KATNBL1: variants seen among roughly 807,000 people sequenced by gnomAD.
KATNBL1 encodes KATNB1-like protein 1.
In KATNBL1, 28 loss-of-function variants were observed where a neutral mutation model predicts 44.7. That is an observed-to-expected ratio of 0.63 (90% CI 0.46 to 0.86). The LOEUF (loss-of-function observed/expected upper bound fraction) is 0.86, where lower values mean the gene tolerates loss of function less well. Among genes scored for constraint, KATNBL1 ranks in the 40% least tolerant of loss-of-function variants. The pLI is 0.00. For missense variants in KATNBL1, 272 were observed against 350.7 expected (o/e 0.78, Z 1.79); for synonymous variants, 78 against 114.9 (o/e 0.68, Z 2.06).
intron 1 of KATNBL1, among the ~76,000 whole-genome samples, chr15:34,203,097 G>A (rs1246618095): frequency 6.6e-6 from 1 of 152,200 alleles, no homozygotes; most frequent in African/African-American, 2.4e-5. Context: ...ATATCCAATA[G>A]TCATCTATTC....
chr15:34,170,139 A>T (rs1264541362), intron 1 of KATNBL1, among the ~76,000 whole-genome samples: 1 of 152,206 alleles, frequency 6.6e-6, no homozygotes, highest in Non-Finnish European at 1.5e-5. Context: ...GGAAAAGAGG[A>T]AGTCAAATTG....
intron 1 of KATNBL1, among the ~76,000 whole-genome samples, chr15:34,176,765 A>G (rs1889345069): frequency 6.6e-6 from 1 of 152,242 alleles, no homozygotes; most frequent in Non-Finnish European, 1.5e-5. Flanking sequence ...GGAGTGAAGG[A>G]AATCATAATT....
intron 1 of KATNBL1, among the ~76,000 whole-genome samples, chr15:34,194,661 G>T (rs1478062579): frequency 6.6e-6 from 1 of 152,032 alleles, no homozygotes; most frequent in African/African-American, 2.4e-5. Flanking sequence ...CATAACCAAA[G>T]AATCAACAAA....
chr15:34,142,392 C>T (rs771851565), intron 9 of KATNBL1, 21 bp from the exon 10 acceptor site: 3 of 1,572,996 alleles, frequency 1.9e-6, no homozygotes, highest in South Asian at 1.2e-5. Flanking sequence ...AAAACAAAAA[C>T]ATTTCATTAG....
intron 1 of KATNBL1, among the ~76,000 whole-genome samples, chr15:34,183,555 A>G (rs1889626229): frequency 6.6e-6 from 1 of 152,236 alleles, no homozygotes. Context: ...TTTTAAATCT[A>G]TTAAAGACAT....
intron 3 of KATNBL1, among the ~76,000 whole-genome samples, chr15:34,153,885 A>C (rs1469454909): frequency 6.6e-6 from 1 of 152,224 alleles, no homozygotes; most frequent in East Asian, 1.9e-4. Flanking sequence ...TGTGAATAGT[A>C]TCTATTGATA....
intron 1 of KATNBL1, among the ~76,000 whole-genome samples, chr15:34,197,154 G>A (rs1392439623): frequency 6.6e-6 from 1 of 152,142 alleles, no homozygotes; most frequent in African/African-American, 2.4e-5. Flanking sequence ...TCTTGTCAAC[G>A]TTTTTACCTT....
chr15:34,164,536 A>G (rs769997688), intron 1 of KATNBL1, among the ~76,000 whole-genome samples: 12 of 150,522 alleles, frequency 8.0e-5, no homozygotes, highest in Non-Finnish European at 1.6e-4. Context: ...AAAAAAAATC[A>G]ATGCCCTCCT....
At chr15:34,147,767 T>C (rs1354818176) in intron 5 of KATNBL1, among the ~76,000 whole-genome samples, 1 of 152,152 alleles carries the variant, frequency 6.6e-6, no homozygotes, top group Non-Finnish European at 1.5e-5. Flanking sequence ...AATAAGTTGG[T>C]CAAAGAAGGC....
chr15:34,197,394 T>A (rs1471111012), intron 1 of KATNBL1, among the ~76,000 whole-genome samples: 1 of 152,240 alleles, frequency 6.6e-6, no homozygotes, highest in Non-Finnish European at 1.5e-5. Flanking sequence ...AGAATAATGC[T>A]GTGAGGATTA....
At chr15:34,192,541 T>C (rs1361857854) in intron 1 of KATNBL1, among the ~76,000 whole-genome samples, 1 of 152,188 alleles carries the variant, frequency 6.6e-6, no homozygotes, top group Non-Finnish European at 1.5e-5. Context: ...GAAAATGGCA[T>C]GTCTCTTGCT....
chr15:34,144,064 G>T (rs1888237989), intron 9 of KATNBL1, among the ~76,000 whole-genome samples: 1 of 134,394 alleles, frequency 7.4e-6, no homozygotes, highest in Non-Finnish European at 1.6e-5. Flanking sequence ...TTTTTTGAAG[G>T]TATCTGAGAA....
intron 1 of KATNBL1, among the ~76,000 whole-genome samples, chr15:34,164,209 A>C (rs904007024): frequency 2.0e-5 from 3 of 152,170 alleles, no homozygotes; most frequent in Non-Finnish European, 4.4e-5. Context: ...TCATTCTTTA[A>C]TTGGAACCAG....
At chr15:34,199,662 T>C (rs1890119027) in intron 1 of KATNBL1, 1 of 152,508 alleles carries the variant, frequency 6.6e-6, no homozygotes, top group Non-Finnish European at 1.5e-5. Flanking sequence ...GGTGGGTTCG[T>C]GGTCCAGAGT....
At chr15:34,206,143 TTTCCCAC>T (rs1453871217) in intron 1 of KATNBL1, among the ~76,000 whole-genome samples, 7 of 152,312 alleles carry the variant, frequency 4.6e-5, no homozygotes, top group Non-Finnish European at 7.3e-5. Flanking sequence ...TAATAGTGCC[TTTCCCAC>T]TGTAACACCA....
chr15:34,184,107 TC>T (rs938439017), intron 1 of KATNBL1, among the ~76,000 whole-genome samples: 1 of 152,010 alleles, frequency 6.6e-6, no homozygotes, highest in African/African-American at 2.4e-5. Flanking sequence ...ATCGAGACCA[TC>T]CTGGCTAACC....
At chr15:34,180,561 G>A (rs1889487995) in intron 1 of KATNBL1, among the ~76,000 whole-genome samples, 2 of 152,130 alleles carry the variant, frequency 1.3e-5, no homozygotes, top group Non-Finnish European at 1.5e-5. Context: ...CTCGACCCAG[G>A]TCTTCTTTAA....
intron 5 of KATNBL1, among the ~76,000 whole-genome samples, chr15:34,148,047 AGTCTTGCTAT>A (rs1305402748): frequency 6.6e-6 from 1 of 151,902 alleles, no homozygotes. Context: ...GTAGAGATGG[AGTCTTGCTAT>A]GTTGCTCAGT....
intron 2 of KATNBL1, among the ~76,000 whole-genome samples, chr15:34,155,924 A>C (rs988955733): frequency 2.6e-5 from 4 of 152,216 alleles, no homozygotes; most frequent in Non-Finnish European, 5.9e-5. Flanking sequence ...ATTGCATCTA[A>C]ATAAATGTGG....
Sources: allele counts gnomAD v4.1 joint callset (sites outside exome capture counted in the v4.1 genomes callset), GRCh38; gene constraint gnomAD v4.1.1; transcripts MANE v1.5; gene names NCBI Gene and HGNC (gene_info 2026-07-23, HGNC 2026-07-21).